Variants in CELF5 observed in about 807,000 individuals in gnomAD.
The protein encoded by CELF5 is CUGBP Elav-like family member 5.
In CELF5, 6 loss-of-function variants were observed where a neutral mutation model predicts 54.9. The observed-to-expected ratio is 0.11, with a 90% CI of 0.06 to 0.22. CELF5 has a LOEUF of 0.22. CELF5 is among the 10% of genes least tolerant of loss of function. The pLI is 1.00. For synonymous variants in CELF5, 271 were observed against 290.9 expected (o/e 0.93, Z 0.70); for missense variants, 401 against 678.6 (o/e 0.59, Z 4.54).
chr19:3,284,009 C>T lies in CELF5; in HGVS notation c.1040-893C>T, dbSNP rs138839078. 3.3e-3 allele frequency among the ~76,000 whole-genome samples: 500 copies of T among 151,686 alleles called. 1 individual carries two copies. The highest frequency in any genetic ancestry group is 0.011 in the African/African-American group (470 of 41,346). ...CGTGCCATTATGCTTGGCTAATTTT[C>T]GATTTTATTTTATTTTTTAAGAAAT... is the stretch of plus-strand genomic sequence containing the variant. On this transcript the variant is annotated intron_variant, in intron 8 of 12. Coordinates refer to ENST00000292672, the MANE Select transcript of CELF5 (RefSeq NM_021938.4).
intron 12 of CELF5, 182 bp downstream of exon 12, chr19:3,293,668 G>A: frequency 1.8e-6 from 1 of 562,720 alleles, no homozygotes. Flanking sequence ...ATCCCCCTGT[G>A]GTTGGGGCTG....
At chr19:3,245,401 CGT>C (rs749132382) in intron 1 of CELF5, among the ~76,000 whole-genome samples, 4 of 141,014 alleles carry the variant, frequency 2.8e-5, no homozygotes, top group East Asian at 2.1e-4. Flanking sequence ...TGTGTGTGTG[CGT>C]GTGTGTGTGG....
chr19:3,273,352 C>A (rs1369015310), intron 2 of CELF5, among the ~76,000 whole-genome samples: 2 of 151,672 alleles, frequency 1.3e-5, no homozygotes, highest in Admixed American at 1.3e-4. Flanking sequence ...CTCCATGAGG[C>A]CCCTCCTCCT....
At chr19:3,296,405 G>C (rs187576596) in intron 12 of CELF5, 11 of 144,296 alleles carry the variant, frequency 7.6e-5, no homozygotes, top group South Asian at 2.2e-4. Context: ...GACCCGGAGG[G>C]GGGGCGGTAG....
intron 9 of CELF5, 101 bp from the exon 10 acceptor site, chr19:3,285,841 C>G (rs1213148016): frequency 1.5e-6 from 1 of 677,236 alleles, no homozygotes; most frequent in Non-Finnish European, 2.3e-6. Context: ...CTGCCTTGGC[C>G]CCACCCTCTT....
intron 1 of CELF5, among the ~76,000 whole-genome samples, chr19:3,235,789 A>G (rs374175305): frequency 0.021 from 1,048 of 50,320 alleles, no homozygotes; most frequent in African/African-American, 0.023. Context: ...TGGATGGATG[A>G]ATGGATGGAT....
Position 3,278,262 on chromosome 19 carries a change from C to A in CELF5, c.603+152C>A. ...CACAGGTGGAGAAAGAGGCGCAGTC[C>A]CTGGCTGTGGTCCCTGGAGTGGGTA... On this transcript the variant is annotated intron_variant, in intron 5 of 12. Transcript: ENST00000292672. The surrounding 1 kb of genome is among the most constrained non-coding windows in gnomAD (Gnocchi z 4.5). 1 of 640,012 alleles carries A rather than the reference C, an allele frequency of 1.6e-6. No homozygotes were observed. The highest frequency in any genetic ancestry group is 2.8e-6 in the Non-Finnish European group (1 of 362,846). The allele number at this position is 640,012 out of a possible 1,614,324, so 39.6% of individuals were successfully genotyped here. A position where few individuals can be genotyped will look rare whatever the true frequency, so the allele number is the denominator to read the frequency against.
chr19:3,289,681 C>CAAAAAAAAAAAAAAAAAAAAAAAAAAAAA (rs35144942), intron 10 of CELF5, among the ~76,000 whole-genome samples: 1 of 47,138 alleles, frequency 2.1e-5, no homozygotes, highest in Non-Finnish European at 3.4e-5. Flanking sequence ...GACTCCATCT[C>CAAAAAAAAAAAAAAAAAAAAAAAAAAAAA]AAAAAAAAAA....
chr19:3,227,742 C>T, intron 1 of CELF5, among the ~76,000 whole-genome samples: 1 of 152,062 alleles, frequency 6.6e-6, no homozygotes, highest in Non-Finnish European at 1.5e-5. Flanking sequence ...AAACTGAGGG[C>T]TTGAGAGACA....
At chr19:3,240,012 T>G (rs1488869541) in intron 1 of CELF5, among the ~76,000 whole-genome samples, 1 of 108,652 alleles carries the variant, frequency 9.2e-6, no homozygotes, top group Admixed American at 9.8e-5. Context: ...CAACACACTT[T>G]TTTTTTTTTT....
At chr19:3,257,704 G>A (rs982704569) in intron 2 of CELF5, among the ~76,000 whole-genome samples, 3 of 151,798 alleles carry the variant, frequency 2.0e-5, no homozygotes, top group Non-Finnish European at 2.9e-5. Context: ...TCGAACTCCC[G>A]AGCTCAGATG....
intron 2 of CELF5, among the ~76,000 whole-genome samples, chr19:3,272,169 C>T (rs999187607): frequency 6.6e-6 from 1 of 151,960 alleles, no homozygotes; most frequent in African/African-American, 2.4e-5. Context: ...AGATCGAGAC[C>T]ATCCTGGCCA....
intron 1 of CELF5, among the ~76,000 whole-genome samples, chr19:3,237,148 T>G (rs973463304): frequency 6.7e-6 from 1 of 150,298 alleles, no homozygotes; most frequent in African/African-American, 2.4e-5. Flanking sequence ...CCATCTCTAC[T>G]AAAAATACAA....
rs756724676 is a variant in CELF5, at chr19:3,273,857, C to T, written c.343-15C>T. 2.5e-6 allele frequency: 4 copies of T among 1,612,352 alleles called. No homozygotes were observed. The highest frequency in any genetic ancestry group is 2.5e-6 in the Non-Finnish European group (3 of 1,178,464). On this transcript the variant is annotated splice_polypyrimidine_tract_variant and intron_variant, in intron 2 of 12. Coordinates refer to ENST00000292672, the MANE Select transcript of CELF5 (RefSeq NM_021938.4). ...ACTGCTAAGCTTGACTTTTCCCTTC[C>T]CCCTCTCTCTGCAGATGGCGCGGCC...
intron 2 of CELF5, among the ~76,000 whole-genome samples, chr19:3,269,546 G>C (rs2079928660): frequency 6.6e-6 from 1 of 152,088 alleles, no homozygotes; most frequent in Non-Finnish European, 1.5e-5. Flanking sequence ...GGCTGCCCCA[G>C]CCTCACTGCA....
chr19:3,272,759 C>T (rs1599454267), intron 2 of CELF5, among the ~76,000 whole-genome samples: 1 of 152,226 alleles, frequency 6.6e-6, no homozygotes, highest in East Asian at 1.9e-4. Context: ...TGGGAAGAGT[C>T]CCTGCATGGG....
intron 3 of CELF5, among the ~76,000 whole-genome samples, chr19:3,274,161 T>TGG (rs75777918): frequency 6.6e-6 from 1 of 151,654 alleles, no homozygotes; most frequent in African/African-American, 2.4e-5. Context: ...CAAGGGAGGA[T>TGG]GGGGGGTCTA....
At chr19:3,230,688 T>C (rs989439034) in intron 1 of CELF5, among the ~76,000 whole-genome samples, 20 of 152,208 alleles carry the variant, frequency 1.3e-4, no homozygotes, top group Admixed American at 1.3e-4. Context: ...CTTCACATCC[T>C]GTTAACTCCC....
chr19:3,240,861 C>CA (rs1890985081), intron 1 of CELF5, among the ~76,000 whole-genome samples: 1 of 151,872 alleles, frequency 6.6e-6, no homozygotes, highest in Admixed American at 6.6e-5. Flanking sequence ...AATCACTTCC[C>CA]AAAAAAGAGC....
Sources: allele counts gnomAD v4.1 joint callset (sites outside exome capture counted in the v4.1 genomes callset), GRCh38; gene constraint gnomAD v4.1.1; non-coding constraint Gnocchi (gnomAD v3.1); transcripts MANE v1.5; gene names NCBI Gene and HGNC (gene_info 2026-07-23, HGNC 2026-07-21).